FBXW7: variants seen among roughly 807,000 people sequenced by gnomAD.
FBXW7 encodes the protein F-box and WD repeat domain containing 7.
Under a neutral mutation model 86.3 loss-of-function variants are expected in FBXW7, and 11 were observed. The observed-to-expected ratio is 0.13, with a 90% CI of 0.08 to 0.21. FBXW7 has a LOEUF of 0.21. Ranked by LOEUF, FBXW7 falls within the 10% of genes least tolerant of loss-of-function variation. The pLI, the probability that FBXW7 is intolerant of heterozygous loss-of-function variation, is 1.00. For synonymous variants in FBXW7, 313 were observed against 297.9 expected, an observed-to-expected ratio of 1.05 and a Z score of -0.52; for missense variants, 488 against 847.4, an observed-to-expected ratio of 0.58 and a Z score of 5.27.
At chr4:152,481,579 C>T (rs1249635868) in intron 2 of FBXW7, among the ~76,000 whole-genome samples, 1 of 152,140 alleles carries the variant, frequency 6.6e-6, no homozygotes, top group Non-Finnish European at 1.5e-5. Context: ...AAATTGAAAG[C>T]CTTCTGGGAA....
intron 4 of FBXW7, among the ~76,000 whole-genome samples, chr4:152,401,581 A>T (rs997789106): frequency 1.3e-5 from 2 of 152,186 alleles, no homozygotes; most frequent in Non-Finnish European, 2.9e-5. Flanking sequence ...AGGTAGTGAA[A>T]CCATTCTCTA....
chr4:152,493,419 C>T (rs933048270), intron 2 of FBXW7, among the ~76,000 whole-genome samples: 2 of 152,120 alleles, frequency 1.3e-5, no homozygotes, highest in African/African-American at 4.8e-5. Flanking sequence ...CCCGCCTCGG[C>T]CTCCCAAAGT....
chr4:152,401,348 A>T (rs1736907255), intron 4 of FBXW7, among the ~76,000 whole-genome samples: 1 of 152,250 alleles, frequency 6.6e-6, no homozygotes, highest in African/African-American at 2.4e-5. Flanking sequence ...ATGGAATATT[A>T]TTCAGTGCTA....
At chr4:152,456,172 AT>A (rs1052487440) in intron 2 of FBXW7, among the ~76,000 whole-genome samples, 14 of 152,182 alleles carry the variant, frequency 9.2e-5, no homozygotes, top group African/African-American at 2.9e-4. Flanking sequence ...AAGGACTAGT[AT>A]TTAGCACATA....
In FBXW7 at chr4:152,512,291, AAAC is replaced by A. The variant is rs903699022; in HGVS notation, c.-120+22647_-120+22649del. ...ATATAGCACATATTTTAGACACAGT[AAAC>A]AACAACAAGATGGAAAATAAGAGTG... On this transcript the variant is annotated intron_variant, in intron 2 of 13. Coordinates refer to ENST00000281708, the MANE Select transcript of FBXW7 (RefSeq NM_001349798.2). Among the ~76,000 whole-genome samples, 7 of 152,362 alleles carry A rather than the reference AAAC, an allele frequency of 4.6e-5. No homozygotes were observed. In the East Asian group the frequency reaches 5.8e-4, roughly 13 times the overall value.
chr4:152,471,058 A>G (rs890693891), intron 2 of FBXW7, among the ~76,000 whole-genome samples: 1 of 152,142 alleles, frequency 6.6e-6, no homozygotes, highest in African/African-American at 2.4e-5. Context: ...ACTAGAAATT[A>G]TAATATCACA....
At chr4:152,323,426 C>A (rs888239937) in intron 13 of FBXW7, 1 of 458,370 alleles carries the variant, frequency 2.2e-6, no homozygotes, top group Non-Finnish European at 4.0e-6. Context: ...GCTGTGTGAA[C>A]GACAGCATTC....
At chr4:152,382,866 G>C (rs367594891) in intron 4 of FBXW7, among the ~76,000 whole-genome samples, 69 of 151,966 alleles carry the variant, frequency 4.5e-4, no homozygotes, top group African/African-American at 1.5e-3. Context: ...TTTTTGAACT[G>C]TGTTTACGTA....
At chr4:152,357,921 T>C (rs1732558451) in intron 4 of FBXW7, among the ~76,000 whole-genome samples, 2 of 152,278 alleles carry the variant, frequency 1.3e-5, no homozygotes, top group Admixed American at 6.5e-5. Flanking sequence ...AAAATTTATA[T>C]TGTTACAGAG....
At chr4:152,465,602 T>A (rs1743334923) in intron 2 of FBXW7, among the ~76,000 whole-genome samples, 1 of 152,242 alleles carries the variant, frequency 6.6e-6, no homozygotes, top group African/African-American at 2.4e-5. Context: ...CCCAGCACTT[T>A]GGGAGGCCAA....
At chr4:152,518,455 C>A (rs1217960811) in intron 2 of FBXW7, among the ~76,000 whole-genome samples, 1 of 152,148 alleles carries the variant, frequency 6.6e-6, no homozygotes. Context: ...CACCACCACA[C>A]CCAGCTAATT....
At chr4:152,466,801 G>T (rs1249664029) in intron 2 of FBXW7, among the ~76,000 whole-genome samples, 1 of 151,886 alleles carries the variant, frequency 6.6e-6, no homozygotes, top group Admixed American at 6.6e-5. Context: ...AATTAGCCAG[G>T]CGCGGTGGCG....
At chr4:152,370,439 A>G (rs1733908713) in intron 4 of FBXW7, among the ~76,000 whole-genome samples, 1 of 151,918 alleles carries the variant, frequency 6.6e-6, no homozygotes, top group Admixed American at 6.6e-5. Flanking sequence ...TCTTTTATGT[A>G]TGGGGTGGGG....
In FBXW7 at chr4:152,525,064, T is replaced by C. The variant is rs576802137; in HGVS notation, c.-120+9877A>G. Among the ~76,000 whole-genome samples, 18 of 152,278 alleles carry C rather than the reference T, an allele frequency of 1.2e-4. No individual in the cohort carries two copies. In the East Asian group the frequency reaches 3.5e-3, roughly 29 times the overall value. ...GCTCTTCTTCCCATCCAGGAACTCA[T>C]TATAAAGTCTTTTTTGAAAAACTAT... is the stretch of plus-strand genomic sequence containing the variant. On this transcript the variant is annotated intron_variant, in intron 2 of 13. Coordinates refer to ENST00000281708, the MANE Select transcript of FBXW7 (RefSeq NM_001349798.2).
chr4:152,477,643 T>G (rs540294762), intron 2 of FBXW7, among the ~76,000 whole-genome samples: 1 of 152,286 alleles, frequency 6.6e-6, no homozygotes, highest in Admixed American at 6.5e-5. Context: ...TTCTTAACAT[T>G]TTTGCATTTT....
chr4:152,433,104 TACCTCAA>T (rs1740061987), intron 2 of FBXW7, among the ~76,000 whole-genome samples: 1 of 152,222 alleles, frequency 6.6e-6, no homozygotes, highest in African/African-American at 2.4e-5. Flanking sequence ...TGTATGAATA[TACCTCAA>T]TTTATTTATC....
At chr4:152,469,605 A>C (rs992443691) in intron 2 of FBXW7, among the ~76,000 whole-genome samples, 2 of 152,148 alleles carry the variant, frequency 1.3e-5, no homozygotes, top group African/African-American at 4.8e-5. Context: ...AATCTGTATT[A>C]GTGTTTTCAC....
chr4:152,370,095 T>C (rs1005663187), intron 4 of FBXW7, among the ~76,000 whole-genome samples: 1 of 152,008 alleles, frequency 6.6e-6, no homozygotes, highest in Non-Finnish European at 1.5e-5. Context: ...ATGTTCATAT[T>C]AGTAGCAACA....
At chr4:152,403,426 T>A (rs1016922162) in intron 4 of FBXW7, among the ~76,000 whole-genome samples, 2 of 148,672 alleles carry the variant, frequency 1.3e-5, no homozygotes, top group Non-Finnish European at 3.0e-5. Flanking sequence ...TGCAGTGAGC[T>A]GAGATTGCAC....
Sources: allele counts gnomAD v4.1 joint callset (sites outside exome capture counted in the v4.1 genomes callset), GRCh38; gene constraint gnomAD v4.1.1; transcripts MANE v1.5; gene names NCBI Gene and HGNC (gene_info 2026-07-23, HGNC 2026-07-21).